NTAQ1: variants seen among roughly 807,000 people sequenced by gnomAD.
The protein encoded by NTAQ1 is N-terminal glutamine amidase 1.
Under a neutral mutation model 28.2 loss-of-function variants are expected in NTAQ1, and 21 were observed. That is an observed-to-expected ratio of 0.74 (90% CI 0.53 to 1.07). NTAQ1 has a LOEUF of 1.07. NTAQ1 is among the 50% of genes least tolerant of loss of function. The pLI, the probability that NTAQ1 is intolerant of heterozygous loss-of-function variation, is 0.00. For synonymous variants in NTAQ1, 105 were observed against 90.0 expected (o/e 1.17, Z -0.94); for missense variants, 264 against 256.6 (o/e 1.03, Z -0.20).
At chr8:123,463,245 A>C (rs1476039847) in intron 6 of NTAQ1, among the ~76,000 whole-genome samples, 2 of 152,236 alleles carry the variant, frequency 1.3e-5, no homozygotes, top group Admixed American at 6.5e-5. Context: ...TATCACGTCT[A>C]AGAAACTTAA....
intron 5 of NTAQ1, among the ~76,000 whole-genome samples, chr8:123,438,618 G>A (rs1814862425): frequency 6.7e-6 from 1 of 149,766 alleles, no homozygotes; most frequent in Non-Finnish European, 1.5e-5. Flanking sequence ...GTTGCAGTGA[G>A]CCGAGATCGC....
chr8:123,474,525 G>C (rs1005330413), downstream of NTAQ1, among the ~76,000 whole-genome samples: 29 of 152,132 alleles, frequency 1.9e-4, no homozygotes, highest in African/African-American at 7.0e-4. Context: ...TGATCTCTGG[G>C]TTAAAGTGGT....
In NTAQ1 at chr8:123,430,787, T is replaced by C. The variant is rs113220797; in HGVS notation, c.234+754T>C. Among the ~76,000 whole-genome samples the C allele has an allele frequency of 3.3e-3, 507 of 152,216 alleles. 3 individuals carry two copies. Among genetic ancestry groups the C allele is most frequent in the African/African-American group, 0.012 (485 of 41,550 alleles). On this transcript the variant is annotated intron_variant, in intron 3 of 5. Coordinates refer to ENST00000287387, the MANE Select transcript of NTAQ1 (RefSeq NM_018024.3). ...CAGAGAGAGACCCTGTCTCAATAAA[T>C]AAATAATGTAGTTTTCTGATTTAGT...
intron 6 of NTAQ1, among the ~76,000 whole-genome samples, chr8:123,457,476 AATATGTAATAAACCTATATTAT>A (rs774367406): frequency 3.1e-4 from 47 of 152,228 alleles, no homozygotes; most frequent in Non-Finnish European, 3.4e-4. Flanking sequence ...ACCTATATTA[AATATGTAATAAACCTATATTAT>A]ATATGTAATA....
chr8:123,451,240 G>A (rs13278697), downstream of NTAQ1, among the ~76,000 whole-genome samples: 55,119 of 152,072 alleles, frequency 0.36, 10,107 homozygotes, highest in East Asian at 0.56. Flanking sequence ...GACGTATCTA[G>A]AGCTGACTGC....
chr8:123,437,409 C>T, intron 5 of NTAQ1, 75 bp downstream of exon 5: 1 of 1,575,398 alleles, frequency 6.3e-7, no homozygotes, highest in Non-Finnish European at 8.6e-7. Context: ...TAACGGAGGA[C>T]AAAAGTCAGG....
downstream of NTAQ1, among the ~76,000 whole-genome samples, chr8:123,473,516 A>C (rs1816062211): frequency 6.6e-6 from 1 of 151,694 alleles, no homozygotes; most frequent in Admixed American, 6.6e-5. Context: ...CTGGTCTCGA[A>C]CTCCTGACCT....
downstream of NTAQ1, among the ~76,000 whole-genome samples, chr8:123,444,401 T>C (rs891959472): frequency 5.3e-5 from 8 of 152,230 alleles, no homozygotes; most frequent in African/African-American, 1.9e-4. Flanking sequence ...GATTTTACCA[T>C]GTTGGCCAGG....
intron 2 of NTAQ1, among the ~76,000 whole-genome samples, chr8:123,428,452 C>T (rs1814201834): frequency 6.6e-6 from 1 of 152,128 alleles, no homozygotes; most frequent in Non-Finnish European, 1.5e-5. Context: ...CCCACCTCAG[C>T]CCCCCAAAGT....
At chr8:123,444,539 C>T (rs575376216), downstream of NTAQ1, among the ~76,000 whole-genome samples, 2 of 152,208 alleles carry the variant, frequency 1.3e-5, no homozygotes, top group South Asian at 4.1e-4. Context: ...GGGAGTCTCG[C>T]TCTATCGCCC....
downstream of NTAQ1, among the ~76,000 whole-genome samples, chr8:123,470,307 A>G (rs1280055010): frequency 6.6e-6 from 1 of 152,244 alleles, no homozygotes; most frequent in Admixed American, 6.5e-5. Context: ...GATGCTGTTC[A>G]TCCTCTCAAG....
At position 123,430,021 on chromosome 8, in the gene NTAQ1, A is replaced by C; in HGVS notation, c.222A>C (p.Gly74=). ...IWKQQARPGD[G]PVIWDYHVVL... ...AACAACAGGCGAGACCTGGAGATGG[A>C]CCTGTGATCTGGGTAAGACAGTTAA... The change falls in exon 3 of 6, where the codon GGA becomes GGC. Residue 74 remains glycine, a synonymous_variant. Coordinates refer to ENST00000287387, the MANE Select transcript of NTAQ1 (RefSeq NM_018024.3). 1 of 1,613,142 alleles carries C rather than the reference A, an allele frequency of 6.2e-7. No homozygotes were observed. The highest frequency in any genetic ancestry group is 8.5e-7 in the Non-Finnish European group (1 of 1,179,360).
chr8:123,473,000 TTGTTAAC>T (rs1423388305), downstream of NTAQ1, among the ~76,000 whole-genome samples: 6 of 152,208 alleles, frequency 3.9e-5, no homozygotes, highest in African/African-American at 1.4e-4. Context: ...AAAATGCCCA[TTGTTAAC>T]TGTTAACTGT....
At chr8:123,465,015 G>A (rs1263479155) in intron 6 of NTAQ1, among the ~76,000 whole-genome samples, 1 of 152,102 alleles carries the variant, frequency 6.6e-6, no homozygotes, top group Non-Finnish European at 1.5e-5. Context: ...TCCTGCCTGG[G>A]CAACAGAGAC....
rs144834938 is a variant in NTAQ1, at chr8:123,421,474, C to T, written c.83+4542C>T. Among the ~76,000 whole-genome samples, 983 of 148,946 alleles carry T rather than the reference C, an allele frequency of 6.6e-3. 6 individuals carry two copies. The highest frequency in any genetic ancestry group is 9.7e-3 in the Non-Finnish European group (654 of 67,432). Reference sequence around the variant, plus strand: ...TAATGATTAGTGTTGTTGAGCATTTCTTCATATGCTTATTGGCCATGTGCA... The same window carrying T: ...TAATGATTAGTGTTGTTGAGCATTTTTTCATATGCTTATTGGCCATGTGCA... On this transcript the variant is annotated intron_variant, in intron 1 of 5. Transcript: ENST00000287387.
At position 123,436,617 on chromosome 8, in the gene NTAQ1, A is replaced by T; in HGVS notation, c.383+16A>T. The T allele has an allele frequency of 1.2e-6, 2 of 1,603,988 alleles. No homozygotes were observed. The highest frequency in any genetic ancestry group is 1.7e-6 in the Non-Finnish European group (2 of 1,176,580). On this transcript the variant is annotated intron_variant, in intron 4 of 5. Coordinates refer to ENST00000287387, the MANE Select transcript of NTAQ1 (RefSeq NM_018024.3). The stretch of plus-strand genomic sequence containing the variant: ...AGTTTAGGAGGTGAGGACATTCAAG[A>T]TGGATTTACTTATTTTCTGAAGTAA...
At chr8:123,423,853 A>G (rs1349622916) in intron 1 of NTAQ1, among the ~76,000 whole-genome samples, 2 of 150,334 alleles carry the variant, frequency 1.3e-5, no homozygotes, top group South Asian at 2.1e-4. Context: ...CTGTGGATTC[A>G]TGAACTCTTT....
downstream of NTAQ1, among the ~76,000 whole-genome samples, chr8:123,449,956 T>TAG (rs2130374310): frequency 2.0e-5 from 1 of 49,004 alleles, no homozygotes; most frequent in East Asian, 1.5e-3. Flanking sequence ...TGTGCATATA[T>TAG]ATATATATAT....
intron 1 of NTAQ1, among the ~76,000 whole-genome samples, chr8:123,425,275 A>G (rs1035857139): frequency 1.3e-5 from 2 of 151,966 alleles, no homozygotes; most frequent in African/African-American, 4.8e-5. Flanking sequence ...TATTTTTAGT[A>G]GAGACAGAGT....
Sources: allele counts gnomAD v4.1 joint callset (sites outside exome capture counted in the v4.1 genomes callset), GRCh38; gene constraint gnomAD v4.1.1; transcripts MANE v1.5; gene names NCBI Gene and HGNC (gene_info 2026-07-23, HGNC 2026-07-21).